GCM1: variants seen among roughly 807,000 people sequenced by gnomAD.
GCM1 encodes GCM transcription factor 1, also known as chorion-specific transcription factor GCMa.
Under a neutral mutation model 25.7 loss-of-function variants are expected in GCM1, and 2 were observed. The ratio of observed to expected loss-of-function variants is 0.08; its 90% CI spans 0.03 to 0.24. The LOEUF (loss-of-function observed/expected upper bound fraction) is 0.24, where lower values mean the gene tolerates loss of function less well. Among genes scored for constraint, GCM1 ranks in the 10% least tolerant of loss-of-function variants. The pLI is 1.00. For missense variants in GCM1, 395 were observed against 538.7 expected, an observed-to-expected ratio of 0.73 and a Z score of 2.64; for synonymous variants, 183 against 195.7, an observed-to-expected ratio of 0.94 and a Z score of 0.54.
chr6:53,138,181 C>T (rs916124250), intron 2 of GCM1, among the ~76,000 whole-genome samples: 16 of 149,894 alleles, frequency 1.1e-4, no homozygotes, highest in Admixed American at 9.4e-4. Context: ...ACTCAGGAGG[C>T]TGAGGCAAAA....
chr6:53,138,574 C>T (rs571988616), intron 2 of GCM1, among the ~76,000 whole-genome samples: 8 of 152,310 alleles, frequency 5.3e-5, no homozygotes, highest in South Asian at 4.1e-4. Flanking sequence ...ATCATTTCTT[C>T]ATCATGTTTA....
At chr6:53,148,013 C>A (rs1052822844) in intron 1 of GCM1, among the ~76,000 whole-genome samples, 4 of 152,090 alleles carry the variant, frequency 2.6e-5, no homozygotes, top group African/African-American at 9.7e-5. Context: ...TGAGCTACAA[C>A]CTAGTGGTTG....
At chr6:53,146,219 T>A (rs1388348051) in intron 1 of GCM1, among the ~76,000 whole-genome samples, 1,526 of 27,450 alleles carry the variant, frequency 0.056, 12 homozygotes, top group East Asian at 0.22. Flanking sequence ...TATATATATT[T>A]TTTTTTTTTT....
intron 2 of GCM1, among the ~76,000 whole-genome samples, chr6:53,138,278 C>CAAA (rs566559211): frequency 1.9e-4 from 17 of 89,166 alleles, no homozygotes; most frequent in East Asian, 9.5e-4. Context: ...TGCTTTGTCT[C>CAAA]AAAAAAAAAA....
At chr6:53,144,537 A>AC in intron 2 of GCM1, among the ~76,000 whole-genome samples, 1 of 140,994 alleles carries the variant, frequency 7.1e-6, no homozygotes, top group Non-Finnish European at 1.5e-5. Context: ...TTATGCCTGT[A>AC]ATCCCAGCAC....
At chr6:53,140,330 G>A (rs1283096318) in intron 2 of GCM1, among the ~76,000 whole-genome samples, 1 of 151,992 alleles carries the variant, frequency 6.6e-6, no homozygotes, top group Non-Finnish European at 1.5e-5. Flanking sequence ...ACTACAACTG[G>A]CTTGTTCTGA....
At chr6:53,129,025 T>C in intron 5 of GCM1, 79 bp from the exon 6 acceptor site, 2 of 1,114,830 alleles carry the variant, frequency 1.8e-6, no homozygotes, top group Non-Finnish European at 2.6e-6. Context: ...TGAGTTACTC[T>C]GTACAAATAA....
chr6:53,140,932 A>T (rs1322598376), intron 2 of GCM1, among the ~76,000 whole-genome samples: 1 of 152,200 alleles, frequency 6.6e-6, no homozygotes, highest in Non-Finnish European at 1.5e-5. Flanking sequence ...TGCTGCTTGG[A>T]TCAAGCAAAC....
At chr6:53,141,636 G>A (rs1763874265) in intron 2 of GCM1, among the ~76,000 whole-genome samples, 3 of 152,076 alleles carry the variant, frequency 2.0e-5, no homozygotes, top group South Asian at 2.1e-4. Context: ...GCAGTGAGCC[G>A]AGATAGTGCT....
chr6:53,128,484 G>A lies in GCM1; in HGVS notation c.1033C>T (p.Pro345Ser). ...GGACAGCCAGTTTTGGCTGCAGGTG[G>A]CTCCAATGGAAGCTGCTGGTAAAAG... Reference protein sequence around the residue: ...EPFYQQLPLEPPAAKTGCPPL... With the variant: ...EPFYQQLPLESPAAKTGCPPL... The change falls in exon 6 of 6, where the codon CCA (proline) becomes TCA (serine). Residue 345 changes from proline (P) to serine (S), a missense_variant. Transcript: ENST00000259803. 6.2e-7 allele frequency: 1 copy of A among 1,614,064 alleles called. No homozygotes were observed. Among genetic ancestry groups the A allele is most frequent in the South Asian group, 1.1e-5 (1 of 91,078 alleles).
intron 2 of GCM1, among the ~76,000 whole-genome samples, chr6:53,138,511 T>C (rs1763832165): frequency 6.6e-6 from 1 of 152,298 alleles, no homozygotes; most frequent in Non-Finnish European, 1.5e-5. Flanking sequence ...CTGTGATTTC[T>C]GAAACCTGTT....
intron 1 of GCM1, among the ~76,000 whole-genome samples, 182 bp from the exon 2 acceptor site, chr6:53,145,950 G>A (rs541918829): frequency 2.0e-5 from 3 of 152,112 alleles, no homozygotes; most frequent in South Asian, 4.2e-4. Context: ...AATTAGAAGC[G>A]TGTGATCACT....
chr6:53,145,173 A>T (rs533276441), intron 2 of GCM1, among the ~76,000 whole-genome samples: 34 of 152,308 alleles, frequency 2.2e-4, no homozygotes, highest in Admixed American at 2.1e-3. Context: ...CTGAGTTAAA[A>T]CTATCACTAT....
chr6:53,128,632 T>C lies in GCM1; in HGVS notation c.885A>G (p.Gln295=), dbSNP rs1252413451. 1 of 1,613,958 alleles carries C rather than the reference T, an allele frequency of 6.2e-7. No individual in the cohort carries two copies. Residue 295 remains glutamine, a synonymous_variant, in exon 6 of 6, where the codon CAA becomes CAG. Transcript: ENST00000259803. ...SGVYSDHGDL[Q]AWSKNAALGR... ...CCAAAGCAGCATTTTTACTCCACGCTTGTAGATCGCCATGATCAGAGTAGA... is the reference window on the plus strand; with the variant it reads ...CCAAAGCAGCATTTTTACTCCACGCCTGTAGATCGCCATGATCAGAGTAGA...
intron 2 of GCM1, among the ~76,000 whole-genome samples, chr6:53,135,673 T>C (rs1323133360): frequency 1.3e-5 from 2 of 152,184 alleles, no homozygotes; most frequent in Non-Finnish European, 2.9e-5. Context: ...CTTAGCATGG[T>C]GTAAGAACAT....
chr6:53,142,954 CT>C (rs1399669316), intron 2 of GCM1, among the ~76,000 whole-genome samples: 10 of 140,196 alleles, frequency 7.1e-5, no homozygotes, highest in Non-Finnish European at 1.1e-4. Context: ...AAGTCCTGTA[CT>C]TTTCATAATA....
chr6:53,131,271 C>G (rs1028195944), intron 4 of GCM1, among the ~76,000 whole-genome samples: 3 of 152,198 alleles, frequency 2.0e-5, no homozygotes, highest in Admixed American at 6.5e-5. Flanking sequence ...ATTATCACCC[C>G]CAGTTTACAG....
chr6:53,129,599 T>C (rs1409146068), intron 5 of GCM1, among the ~76,000 whole-genome samples: 2 of 152,192 alleles, frequency 1.3e-5, no homozygotes, highest in African/African-American at 4.8e-5. Context: ...GAGAAACTTA[T>C]AAGGAACTAT....
chr6:53,128,751 T>C lies in GCM1; in HGVS notation c.766A>G (p.Thr256Ala). The change falls in exon 6 of 6, where the codon ACT becomes GCT. Residue 256 changes from threonine (T) to alanine (A), a missense_variant. Physicochemically the swap from Thr to Ala is moderately conservative, Grantham distance 58 (BLOSUM62 0). Coordinates refer to ENST00000259803, the MANE Select transcript of GCM1 (RefSeq NM_003643.4). ...GITDLTDQTSTVDPMKLYEKR... is the reference protein window; with the variant it reads ...GITDLTDQTSAVDPMKLYEKR... Reference sequence around the variant, plus strand: ...TCATAGAGCTTCATGGGGTCCACAGTGGAAGTCTGGTCAGTCAGATCTGTG... The same window carrying C: ...TCATAGAGCTTCATGGGGTCCACAGCGGAAGTCTGGTCAGTCAGATCTGTG... The C allele has an allele frequency of 6.2e-7, 1 of 1,613,778 alleles. No homozygotes were observed. The highest frequency in any genetic ancestry group is 8.5e-7 in the Non-Finnish European group (1 of 1,179,656).
Sources: allele counts gnomAD v4.1 joint callset (sites outside exome capture counted in the v4.1 genomes callset), GRCh38; gene constraint gnomAD v4.1.1; transcripts MANE v1.5; gene names NCBI Gene and HGNC (gene_info 2026-07-23, HGNC 2026-07-21).